The following PEX14 variants were observed in gnomAD, a reference collection of about 807,000 sequenced individuals.
The protein encoded by PEX14 is peroxisomal biogenesis factor 14.
PEX14 carries 15 observed loss-of-function variants against 49.5 expected under a neutral mutation model. The ratio of observed to expected loss-of-function variants is 0.30; its 90% CI spans 0.20 to 0.47. The LOEUF (loss-of-function observed/expected upper bound fraction) is 0.47, where lower values mean the gene tolerates loss of function less well. Among genes scored for constraint, PEX14 ranks in the 20% least tolerant of loss-of-function variants. The pLI is 1.00. For synonymous variants in PEX14, 210 were observed against 212.7 expected (o/e 0.99, Z 0.11); for missense variants, 398 against 494.8 (o/e 0.80, Z 1.86).
intron 2 of PEX14, among the ~76,000 whole-genome samples, chr1:10,496,953 C>T (rs978240182): frequency 3.3e-5 from 5 of 151,136 alleles, no homozygotes; most frequent in Admixed American, 1.3e-4. Flanking sequence ...AAACACATAG[C>T]GGCAATTTAT....
chr1:10,616,520 G>A (rs151233698), intron 4 of PEX14, among the ~76,000 whole-genome samples: 4 of 152,224 alleles, frequency 2.6e-5, no homozygotes, highest in African/African-American at 4.8e-5. Context: ...CTGTGGGGGC[G>A]CCTTCCGGAT....
intron 1 of PEX14, among the ~76,000 whole-genome samples, chr1:10,486,829 A>G (rs1226545652): frequency 6.6e-6 from 1 of 151,768 alleles, no homozygotes; most frequent in African/African-American, 2.4e-5. Flanking sequence ...TGGGATTACA[A>G]GCATCCACCG....
chr1:10,491,381 C>T (rs1641469670), intron 1 of PEX14, among the ~76,000 whole-genome samples: 1 of 152,026 alleles, frequency 6.6e-6, no homozygotes, highest in Admixed American at 6.6e-5. Context: ...CATACACATG[C>T]ACCCTTTTTT....
chr1:10,619,017 C>T (rs1401700569), intron 5 of PEX14, among the ~76,000 whole-genome samples: 1 of 152,220 alleles, frequency 6.6e-6, no homozygotes, highest in East Asian at 1.9e-4. Flanking sequence ...ACCTCAGTGT[C>T]ATCAGATGTA....
intron 2 of PEX14, among the ~76,000 whole-genome samples, chr1:10,496,442 G>A (rs1035796814): frequency 1.3e-5 from 2 of 152,188 alleles, no homozygotes; most frequent in African/African-American, 4.8e-5. Flanking sequence ...CTCTCCGGAC[G>A]TCTGCCTGCT....
Position 10,630,535 on chromosome 1 carries a change from G to A in PEX14, c.*548G>A. ...CCTCCCAGACAAATGAAACCACGCT[G>A]CGCTTCCGATGCCCCCGCTTGCCGT... On this transcript the variant is annotated 3_prime_UTR_variant, in exon 9 of 9. Coordinates refer to ENST00000356607, the MANE Select transcript of PEX14 (RefSeq NM_004565.3). The surrounding 1 kb of genome is among the most constrained non-coding windows in gnomAD (Gnocchi z 4.1). The A allele has an allele frequency of 6.4e-6, 1 of 156,350 alleles. No homozygotes were observed. Among genetic ancestry groups the A allele is most frequent in the South Asian group, 1.9e-4 (1 of 5,216 alleles). The allele number at this position is 156,350 out of a possible 1,614,324, so 9.7% of individuals were successfully genotyped here. A position where few individuals can be genotyped will look rare whatever the true frequency, so the allele number is the denominator to read the frequency against.
At chr1:10,583,564 C>G (rs1321790825) in intron 3 of PEX14, among the ~76,000 whole-genome samples, 1 of 151,766 alleles carries the variant, frequency 6.6e-6, no homozygotes, top group African/African-American at 2.4e-5. Context: ...GCCAGTAGAA[C>G]CTAGGTGTTT....
At chr1:10,586,194 A>G (rs1640480313) in intron 3 of PEX14, among the ~76,000 whole-genome samples, 3 of 152,356 alleles carry the variant, frequency 2.0e-5, no homozygotes, top group South Asian at 4.1e-4. Flanking sequence ...GCTGTACTCA[A>G]TGAAGATGAT....
At chr1:10,606,583 A>T (rs1215866407) in intron 4 of PEX14, among the ~76,000 whole-genome samples, 2 of 152,216 alleles carry the variant, frequency 1.3e-5, no homozygotes, top group African/African-American at 4.8e-5. Context: ...TGGTATTTGG[A>T]AAGTTCTAGC....
At chr1:10,537,793 A>G (rs931202269) in intron 3 of PEX14, among the ~76,000 whole-genome samples, 2 of 152,150 alleles carry the variant, frequency 1.3e-5, no homozygotes, top group East Asian at 3.8e-4. Flanking sequence ...CAGTTTTAGT[A>G]TCAGGAGCTC....
rs780203304 is a variant in PEX14 at position 10,495,321 on chromosome 1, GGTAA to G, written c.84+4_84+7del. On this transcript the variant is annotated splice_donor_variant and splice_donor_region_variant and intron_variant, in intron 2 of 8. Coordinates refer to ENST00000356607, the MANE Select transcript of PEX14 (RefSeq NM_004565.3). LOFTEE classifies it high-confidence loss of function. The surrounding 1 kb of genome is among the most constrained non-coding windows in gnomAD (Gnocchi z 4.2). The stretch of plus-strand genomic sequence containing the variant: ...AAAATGTGCTGCCTCGAGAGCCGCT[GGTAA>G]GTACCCAAGATATGTGGTATCACTT... 1 of 1,612,062 alleles carries G rather than the reference GGTAA, an allele frequency of 6.2e-7. No individual in the cohort carries two copies.
At chr1:10,564,026 A>C (rs1037041775) in intron 3 of PEX14, among the ~76,000 whole-genome samples, 1 of 151,816 alleles carries the variant, frequency 6.6e-6, no homozygotes, top group Non-Finnish European at 1.5e-5. Flanking sequence ...GGCAGCTTTT[A>C]GATTTTTTTC....
chr1:10,489,705 T>G (rs1177035683), intron 1 of PEX14, among the ~76,000 whole-genome samples: 2 of 152,258 alleles, frequency 1.3e-5, no homozygotes, highest in East Asian at 3.8e-4. Context: ...AAGTCTGTCC[T>G]GCAGCTTTCA....
chr1:10,622,447 C>T (rs551248075), intron 5 of PEX14, among the ~76,000 whole-genome samples: 1 of 152,196 alleles, frequency 6.6e-6, no homozygotes, highest in Non-Finnish European at 1.5e-5. Context: ...CATGTTATCC[C>T]CTGGCGAGAG....
In PEX14 at chr1:10,494,820, G is replaced by C. The variant is rs1057412512; in HGVS notation, c.37-454G>C. On this transcript the variant is annotated intron_variant, in intron 1 of 8. Coordinates refer to ENST00000356607, the MANE Select transcript of PEX14 (RefSeq NM_004565.3). This position sits in a 1 kb window ranked among gnomAD's most constrained non-coding sequence, Gnocchi z 4.3. The stretch of plus-strand genomic sequence containing the variant: ...GAGAAAATCCTGAGCGTGGGCAGCT[G>C]GGGCCCCCTGGTGGTGGAATCTGGT... Among the ~76,000 whole-genome samples the C allele has an allele frequency of 2.6e-5, 4 of 152,208 alleles. No homozygotes were observed. Among genetic ancestry groups the C allele is most frequent in the Non-Finnish European group, 4.4e-5 (3 of 68,038 alleles).
At chr1:10,582,629 T>C (rs1640354346) in intron 3 of PEX14, among the ~76,000 whole-genome samples, 1 of 152,214 alleles carries the variant, frequency 6.6e-6, no homozygotes, top group South Asian at 2.1e-4. Context: ...GGAAGACTGA[T>C]GCCTGACTCT....
intron 3 of PEX14, among the ~76,000 whole-genome samples, chr1:10,585,765 G>T (rs1275123433): frequency 6.6e-6 from 1 of 152,152 alleles, no homozygotes; most frequent in African/African-American, 2.4e-5. Context: ...ATGCAGTGGT[G>T]CATGCCTGTA....
At chr1:10,577,410 C>CAAAAA (rs70997256) in intron 3 of PEX14, among the ~76,000 whole-genome samples, 6,606 of 99,242 alleles carry the variant, frequency 0.067, 900 homozygotes, top group Non-Finnish European at 0.091. Flanking sequence ...AAAAAAAAAC[C>CAAAAA]AAAAAAAAAA....
At chr1:10,558,394 A>G (rs1639556551) in intron 3 of PEX14, among the ~76,000 whole-genome samples, 1 of 152,084 alleles carries the variant, frequency 6.6e-6, no homozygotes, top group Non-Finnish European at 1.5e-5. Context: ...GCGAATCAAG[A>G]AAGAAGATCC....
Sources: allele counts gnomAD v4.1 joint callset (sites outside exome capture counted in the v4.1 genomes callset), GRCh38; gene constraint gnomAD v4.1.1; non-coding constraint Gnocchi (gnomAD v3.1); transcripts MANE v1.5; gene names NCBI Gene and HGNC (gene_info 2026-07-23, HGNC 2026-07-21).